Variants in ATP8A2 observed in about 807,000 individuals in gnomAD.
ATP8A2 encodes phospholipid-transporting ATPase IB.
A neutral mutation model predicts 165.6 loss-of-function variants in ATP8A2; 100 were observed. The ratio of observed to expected loss-of-function variants is 0.60; its 90% CI spans 0.51 to 0.71. The LOEUF is 0.71. Among genes scored for constraint, ATP8A2 ranks in the 30% least tolerant of loss-of-function variants. The pLI, the probability that ATP8A2 is intolerant of heterozygous loss-of-function variation, is 0.00. For synonymous variants in ATP8A2, 543 were observed against 548.8 expected, an observed-to-expected ratio of 0.99 and a Z score of 0.15; for missense variants, 1,227 against 1,479.5, an observed-to-expected ratio of 0.83 and a Z score of 2.80.
rs531729229 is a variant in ATP8A2, at chr13:25,955,385, T to C, written c.3184-6190T>C. 1.3e-4 allele frequency among the ~76,000 whole-genome samples: 20 copies of C among 152,260 alleles called. No individual in the cohort carries two copies. In the East Asian group the frequency reaches 3.7e-3, roughly 28 times the overall value. ...AAAATAAATAGACTGCTAGCCAGAC[T>C]ATTAAAGAAGAAAAGAGAGAAGAAT... On this transcript the variant is annotated intron_variant, in intron 33 of 36. Transcript: ENST00000381655.
chr13:25,647,804 G>A (rs556299322), intron 24 of ATP8A2, among the ~76,000 whole-genome samples: 12 of 151,912 alleles, frequency 7.9e-5, no homozygotes, highest in Middle Eastern at 3.4e-3. Flanking sequence ...TCCTGCCTCA[G>A]CCTCCCAAGT....
chr13:25,986,620 G>C (rs971249524), intron 35 of ATP8A2, among the ~76,000 whole-genome samples: 1 of 152,182 alleles, frequency 6.6e-6, no homozygotes, highest in Non-Finnish European at 1.5e-5. Flanking sequence ...TGGACACGTA[G>C]GTTGATTCCA....
At chr13:25,697,271 G>C (rs2042852938) in intron 24 of ATP8A2, among the ~76,000 whole-genome samples, 1 of 150,998 alleles carries the variant, frequency 6.6e-6, no homozygotes, top group African/African-American at 2.5e-5. Context: ...AAATTCTTTT[G>C]TTGTTGTTGT....
intron 2 of ATP8A2, among the ~76,000 whole-genome samples, chr13:25,469,375 G>A (rs2035776818): frequency 6.6e-6 from 1 of 152,228 alleles, no homozygotes; most frequent in Non-Finnish European, 1.5e-5. Context: ...GCCCTGAGAA[G>A]TTTTCACTCT....
chr13:25,516,062 G>A (rs926143937), intron 2 of ATP8A2, among the ~76,000 whole-genome samples: 12 of 152,102 alleles, frequency 7.9e-5, no homozygotes, highest in African/African-American at 2.2e-4. Flanking sequence ...CATGAGGGAC[G>A]GATAGATATG....
At chr13:25,986,692 ACT>A (rs1956285611) in intron 35 of ATP8A2, among the ~76,000 whole-genome samples, 4 of 152,244 alleles carry the variant, frequency 2.6e-5, no homozygotes, top group African/African-American at 9.6e-5. Flanking sequence ...TCTTCAACAT[ACT>A]GATGTTGTCC....
In ATP8A2 at chr13:25,713,171, C is replaced by T. The variant is rs144581899; in HGVS notation, c.2384+13826C>T. Among the ~76,000 whole-genome samples, 79 of 152,328 alleles carry T rather than the reference C, an allele frequency of 5.2e-4. No individual in the cohort carries two copies. In the Middle Eastern group the frequency reaches 0.017, roughly 33 times the overall value. Reference sequence around the variant, plus strand: ...CTAAATTCTCAACTTTGTTAGCCCACTCCATATTTCAGTCTTGCTGTAAGT... The same window carrying T: ...CTAAATTCTCAACTTTGTTAGCCCATTCCATATTTCAGTCTTGCTGTAAGT... On this transcript the variant is annotated intron_variant, in intron 25 of 36. Transcript: ENST00000381655.
At position 25,781,312 on chromosome 13, in the gene ATP8A2, A is replaced by G. The variant is rs142070810; in HGVS notation, c.2679+6353A>G. 2.2e-3 allele frequency among the ~76,000 whole-genome samples: 332 copies of G among 152,314 alleles called. 3 individuals are homozygous for G. Among genetic ancestry groups the G allele is most frequent in the African/African-American group, 7.4e-3 (306 of 41,570 alleles). ...AATTATGGTTCATGTATAAATTGCC[A>G]TTTTAATCCAAAACGTTTTCAGTAG... On this transcript the variant is annotated intron_variant, in intron 27 of 36. Transcript: ENST00000381655.
chr13:25,420,615 G>A (rs1300889795), intron 1 of ATP8A2, among the ~76,000 whole-genome samples: 1 of 152,204 alleles, frequency 6.6e-6, no homozygotes. Context: ...TTATTACCTA[G>A]GTGATCGGCT....
intron 33 of ATP8A2, among the ~76,000 whole-genome samples, chr13:25,948,575 T>C (rs1304463833): frequency 6.6e-6 from 1 of 152,162 alleles, no homozygotes; most frequent in Admixed American, 6.5e-5. Flanking sequence ...ATCCCAGAGT[T>C]GCAGCCCTAA....
intron 33 of ATP8A2, among the ~76,000 whole-genome samples, chr13:25,911,248 A>G (rs1450332196): frequency 6.6e-6 from 1 of 152,230 alleles, no homozygotes; most frequent in Admixed American, 6.5e-5. Context: ...GTTTCTTTCA[A>G]TATGCATCCA....
chr13:25,997,727 AG>A (rs1389902924), intron 35 of ATP8A2, among the ~76,000 whole-genome samples: 7 of 151,988 alleles, frequency 4.6e-5, no homozygotes, highest in Admixed American at 3.9e-4. Context: ...CCATCCACTG[AG>A]GTTTTTATTT....
intron 1 of ATP8A2, among the ~76,000 whole-genome samples, chr13:25,410,162 C>T (rs765714442): frequency 1.3e-5 from 2 of 151,944 alleles, no homozygotes; most frequent in African/African-American, 4.8e-5. Context: ...TCCCATCAGC[C>T]ATGGCACTTA....
chr13:25,680,643 GA>G (rs1374363953), intron 24 of ATP8A2, among the ~76,000 whole-genome samples: 1 of 152,150 alleles, frequency 6.6e-6, no homozygotes, highest in African/African-American at 2.4e-5. Flanking sequence ...ATAGAGTGAA[GA>G]AAACAGAAGG....
At chr13:25,666,316 T>A (rs2042153163) in intron 24 of ATP8A2, among the ~76,000 whole-genome samples, 2 of 152,102 alleles carry the variant, frequency 1.3e-5, no homozygotes, top group Admixed American at 1.3e-4. Flanking sequence ...TTCAAGTGAT[T>A]CTTCTGCCTC....
intron 2 of ATP8A2, among the ~76,000 whole-genome samples, chr13:25,513,393 A>G (rs1036200973): frequency 2.7e-4 from 39 of 147,132 alleles, no homozygotes; most frequent in African/African-American, 9.7e-4. Context: ...CACTTCCTAG[A>G]TGGGATGGCG....
At chr13:25,660,519 C>T (rs1209806519) in intron 24 of ATP8A2, among the ~76,000 whole-genome samples, 1 of 152,070 alleles carries the variant, frequency 6.6e-6, no homozygotes, top group African/African-American at 2.4e-5. Context: ...GAACTTTTTA[C>T]GAATGATGTT....
At chr13:25,773,805 C>G (rs1016218816) in intron 26 of ATP8A2, among the ~76,000 whole-genome samples, 3 of 151,872 alleles carry the variant, frequency 2.0e-5, no homozygotes, top group Non-Finnish European at 2.9e-5. Context: ...GCCACTATCT[C>G]TGTGTCTAGG....
At chr13:25,494,416 A>G (rs1046983446) in intron 2 of ATP8A2, among the ~76,000 whole-genome samples, 2 of 152,168 alleles carry the variant, frequency 1.3e-5, no homozygotes, top group African/African-American at 4.8e-5. Context: ...CAATATTGAA[A>G]CAATCATAAA....
Sources: gnomAD v4.1 joint callset for allele counts (sites outside exome capture counted in the v4.1 genomes callset) on GRCh38, gnomAD v4.1.1 for gene constraint, MANE v1.5 for transcripts, NCBI Gene and HGNC (gene_info 2026-07-23, HGNC 2026-07-21) for gene names.